Variants in ARAP2 observed in about 807,000 individuals in gnomAD.
ARAP2 encodes arf-GAP with Rho-GAP domain, ANK repeat and PH domain-containing protein 2.
ARAP2 carries 148 observed loss-of-function variants against 194.5 expected under a neutral mutation model. That is an observed-to-expected ratio of 0.76 (90% CI 0.67 to 0.87). The LOEUF (loss-of-function observed/expected upper bound fraction) is 0.87, where lower values mean the gene tolerates loss of function less well. ARAP2 is among the 40% of genes least tolerant of loss of function. The pLI is 0.00. For synonymous variants in ARAP2, 695 were observed against 683.5 expected, an observed-to-expected ratio of 1.02 and a Z score of -0.26; for missense variants, 2,128 against 1,989.7, an observed-to-expected ratio of 1.07 and a Z score of -1.32.
intron 2 of ARAP2, among the ~76,000 whole-genome samples, chr4:36,055,597 T>A (rs1294192420): frequency 2.0e-5 from 3 of 152,176 alleles, no homozygotes; most frequent in African/African-American, 7.2e-5. Context: ...GGAGTCTCAC[T>A]CTGTCGCCCA....
chr4:36,214,366 A>G (rs1199427443), intron 3 of ARAP2, 56 bp downstream of exon 3: 2 of 1,451,572 alleles, frequency 1.4e-6, no homozygotes, highest in Non-Finnish European at 1.9e-6. Flanking sequence ...ATTTTAACAC[A>G]GTTAAGACTA....
At chr4:36,031,669 T>A (rs1327894576) in intron 5 of ARAP2, among the ~76,000 whole-genome samples, 2 of 151,040 alleles carry the variant, frequency 1.3e-5, no homozygotes, top group African/African-American at 4.9e-5. Flanking sequence ...TTAAAATCTT[T>A]TTTTTTTTTT....
intron 24 of ARAP2, among the ~76,000 whole-genome samples, chr4:36,118,336 A>G (rs1721887339): frequency 6.6e-6 from 1 of 150,966 alleles, no homozygotes; most frequent in Non-Finnish European, 1.5e-5. Context: ...GAACTCATAG[A>G]ATGAAATAAA....
At chr4:36,047,983 T>C (rs1722092946) in intron 3 of ARAP2, among the ~76,000 whole-genome samples, 1 of 152,184 alleles carries the variant, frequency 6.6e-6, no homozygotes, top group South Asian at 2.1e-4. Flanking sequence ...GAATATACAT[T>C]ACAGTGAAGA....
Position 36,033,978 on chromosome 4 carries a change from G to C in ARAP2, n.607+12001C>G, listed in dbSNP as rs900682004. 7.2e-5 allele frequency among the ~76,000 whole-genome samples: 11 copies of C among 151,750 alleles called. No homozygotes were observed. The East Asian group carries it at 1.9e-3, about 27-fold the overall frequency. On this transcript the variant is annotated intron_variant and non_coding_transcript_variant, in intron 5 of 12. Transcript: ENST00000503225. ...GTTGCAGGTGTTCAGCCTATTTCTG[G>C]GTTCTCTATTCTCTTCCATTGGTCT...
rs555633120 is a variant in ARAP2, at chr4:36,125,617, T to C, written c.3641-650A>G. ...CTCCTGCTTTTGTCATGAACAGAAA[T>C]TTGTTGGTTTATGGAGAGAAGGATG... On this transcript the variant is annotated intron_variant, in intron 21 of 32. Transcript: ENST00000303965. 7.2e-5 allele frequency among the ~76,000 whole-genome samples: 11 copies of C among 152,034 alleles called. No homozygotes were observed. The South Asian group carries it at 2.1e-3, about 29-fold the overall frequency.
intron 15 of ARAP2, among the ~76,000 whole-genome samples, chr4:36,158,264 T>A (rs1733051553): frequency 6.6e-6 from 1 of 152,048 alleles, no homozygotes; most frequent in African/African-American, 2.4e-5. Context: ...CAAGCTTAAG[T>A]TTTATTTTAC....
At chr4:36,118,499 T>C (rs1721940170) in intron 24 of ARAP2, among the ~76,000 whole-genome samples, 1 of 151,360 alleles carries the variant, frequency 6.6e-6, no homozygotes, top group Admixed American at 6.6e-5. Flanking sequence ...CTTTTCCAAA[T>C]ACTATTATTT....
chr4:36,098,795 T>C (rs867453404), intron 27 of ARAP2, among the ~76,000 whole-genome samples: 5 of 152,210 alleles, frequency 3.3e-5, no homozygotes, highest in Middle Eastern at 3.4e-3. Flanking sequence ...CTTCAGTCCA[T>C]ATTTTTTTCT....
rs558900853 is a variant in ARAP2 at position 36,026,252 on chromosome 4, T to C, written n.608-6966A>G. ...TTAGAATTATCCAATGCCTGGCGAA[T>C]TCCTAACTGTCAGACACCTTAGAAA... On this transcript the variant is annotated intron_variant and non_coding_transcript_variant, in intron 5 of 12. Transcript: ENST00000503225. Among the ~76,000 whole-genome samples the C allele has an allele frequency of 7.2e-5, 11 of 152,308 alleles. No individual in the cohort carries two copies. In the South Asian group the frequency reaches 2.1e-3, roughly 29 times the overall value.
At chr4:36,129,653 T>G (rs920442484) in intron 20 of ARAP2, among the ~76,000 whole-genome samples, 14 of 151,836 alleles carry the variant, frequency 9.2e-5, no homozygotes, top group African/African-American at 3.4e-4. Context: ...GTCTTCTAAT[T>G]TTTTCTGCTC....
chr4:36,098,295 C>G (rs1421266525), intron 27 of ARAP2, among the ~76,000 whole-genome samples: 3 of 152,082 alleles, frequency 2.0e-5, no homozygotes, highest in African/African-American at 7.2e-5. Flanking sequence ...TTCAGCAATT[C>G]TCTTTGGGAC....
intron 19 of ARAP2, among the ~76,000 whole-genome samples, chr4:36,137,891 T>C (rs1229464229): frequency 4.0e-5 from 6 of 151,760 alleles, no homozygotes; most frequent in South Asian, 2.1e-4. Context: ...ACACCTAAGA[T>C]TCATGAAACA....
intron 31 of ARAP2, among the ~76,000 whole-genome samples, chr4:36,074,672 A>G (rs1028470087): frequency 6.6e-6 from 1 of 152,120 alleles, no homozygotes; most frequent in African/African-American, 2.4e-5. Flanking sequence ...GTTTACAGAT[A>G]TTGTAATGAA....
chr4:36,191,386 G>A (rs1321490536), intron 7 of ARAP2, among the ~76,000 whole-genome samples: 1 of 151,980 alleles, frequency 6.6e-6, no homozygotes, highest in Non-Finnish European at 1.5e-5. Context: ...CAAGGATATA[G>A]TTAACAAGTA....
Position 36,056,592 on chromosome 4 carries a change from T to C in ARAP2, n.321+1378A>G, listed in dbSNP as rs79179050. ...GAACCAGAACATGTATAGGTTTTCTTGTCGTTTGCTTTTAATTGAAGTGCT... is the reference window on the plus strand; with the variant it reads ...GAACCAGAACATGTATAGGTTTTCTCGTCGTTTGCTTTTAATTGAAGTGCT... On this transcript the variant is annotated intron_variant and non_coding_transcript_variant, in intron 2 of 12. Coordinates refer to the ARAP2 transcript ENST00000503225. Among the ~76,000 whole-genome samples the C allele has an allele frequency of 4.5e-3, 692 of 152,330 alleles. 16 individuals are homozygous for C. The East Asian group carries it at 0.046, about 10-fold the overall frequency.
intron 26 of ARAP2, among the ~76,000 whole-genome samples, chr4:36,113,155 C>T (rs1383758354): frequency 6.6e-6 from 1 of 151,806 alleles, no homozygotes; most frequent in Non-Finnish European, 1.5e-5. Flanking sequence ...TAAAGTGAAC[C>T]CAGATGTGAA....
intron 25 of ARAP2, among the ~76,000 whole-genome samples, chr4:36,114,859 A>G (rs1368107215): frequency 1.3e-5 from 2 of 151,992 alleles, no homozygotes; most frequent in African/African-American, 2.4e-5. Flanking sequence ...CGGTTCTACG[A>G]AAGTCCCAAA....
At chr4:36,075,858 C>T (rs1416199865) in intron 31 of ARAP2, among the ~76,000 whole-genome samples, 1 of 152,074 alleles carries the variant, frequency 6.6e-6, no homozygotes, top group East Asian at 1.9e-4. Context: ...TAAATTTAAC[C>T]TTAAATTTTA....
Sources: gnomAD v4.1 joint callset for allele counts (sites outside exome capture counted in the v4.1 genomes callset) on GRCh38, gnomAD v4.1.1 for gene constraint, MANE v1.5 for transcripts, NCBI Gene and HGNC (gene_info 2026-07-23, HGNC 2026-07-21) for gene names.